Variants in TDRD9 observed in about 807,000 individuals in gnomAD.
TDRD9 encodes the protein ATP-dependent RNA helicase TDRD9.
In TDRD9, 124 loss-of-function variants were observed where a neutral mutation model predicts 172.6. The ratio of observed to expected loss-of-function variants is 0.72; its 90% CI spans 0.62 to 0.83. TDRD9 has a LOEUF of 0.83. Ranked by LOEUF, TDRD9 falls within the 40% of genes least tolerant of loss-of-function variation. TDRD9 has a pLI of 0.00. For synonymous variants in TDRD9, 619 were observed against 617.1 expected, an observed-to-expected ratio of 1.00 and a Z score of -0.05; for missense variants, 1,479 against 1,714.1, an observed-to-expected ratio of 0.86 and a Z score of 2.42.
intron 28 of TDRD9, among the ~76,000 whole-genome samples, chr14:104,029,359 T>G (rs2035214938): frequency 6.6e-6 from 1 of 152,200 alleles, no homozygotes; most frequent in Admixed American, 6.5e-5. Flanking sequence ...TTGCTTTAAT[T>G]GATATTTTGT....
intron 33 of TDRD9, 118 bp downstream of exon 33, chr14:104,040,452 G>A: frequency 8.8e-7 from 1 of 1,141,406 alleles, no homozygotes; most frequent in African/African-American, 1.6e-5. Flanking sequence ...CTCTGGTCCT[G>A]GAGATGTGCA....
intron 27 of TDRD9, 96 bp downstream of exon 27, chr14:104,026,232 G>A: frequency 1.2e-6 from 1 of 849,296 alleles, no homozygotes; most frequent in Non-Finnish European, 1.9e-6. Context: ...TCGGCTTACA[G>A]CTAGGGGAGC....
At chr14:104,000,566 T>A (rs1036222867) in intron 13 of TDRD9, among the ~76,000 whole-genome samples, 16 of 151,942 alleles carry the variant, frequency 1.1e-4, no homozygotes, top group African/African-American at 3.9e-4. Context: ...TGGTGGATCA[T>A]TTGAGGTCAG....
intron 3 of TDRD9, among the ~76,000 whole-genome samples, chr14:103,964,510 TTTG>T (rs1381281192): frequency 3.9e-5 from 6 of 152,026 alleles, no homozygotes; most frequent in Admixed American, 1.3e-4. Flanking sequence ...TACTATTTTT[TTTG>T]TTGTTGTTTT....
intron 7 of TDRD9, among the ~76,000 whole-genome samples, chr14:103,982,056 C>A (rs545236327): frequency 1.3e-5 from 2 of 152,210 alleles, no homozygotes; most frequent in Non-Finnish European, 1.5e-5. Context: ...TCTGCTGTTA[C>A]AAGGGAGAAG....
chr14:103,981,425 G>C (rs973558884), intron 7 of TDRD9, among the ~76,000 whole-genome samples: 2 of 152,188 alleles, frequency 1.3e-5, no homozygotes, highest in African/African-American at 4.8e-5. Flanking sequence ...AGGCACCCAG[G>C]GCCCCCTTGC....
intron 8 of TDRD9, among the ~76,000 whole-genome samples, chr14:103,987,183 AG>A (rs1422036890): frequency 6.6e-6 from 1 of 151,800 alleles, no homozygotes; most frequent in African/African-American, 2.4e-5. Flanking sequence ...GAGCCTTTAC[AG>A]CACTAATTTT....
Position 104,006,778 on chromosome 14 carries a change from A to C in TDRD9, c.1944-4A>C, listed in dbSNP as rs774752817. On this transcript the variant is annotated splice_region_variant and splice_polypyrimidine_tract_variant and intron_variant, in intron 17 of 35. Transcript: ENST00000409874. ...TATTGAATGACACTGTTATCTGTTTATAGGAACAAAGTGAATTTCTCTGGC... is the reference window on the plus strand; with the variant it reads ...TATTGAATGACACTGTTATCTGTTTCTAGGAACAAAGTGAATTTCTCTGGC... The C allele has an allele frequency of 4.3e-6, 7 of 1,613,582 alleles. No individual in the cohort carries two copies. The highest frequency in any genetic ancestry group is 5.9e-6 in the Non-Finnish European group (7 of 1,179,634).
chr14:103,954,628 TATTTG>T (rs1030572483), intron 1 of TDRD9, among the ~76,000 whole-genome samples: 2 of 152,118 alleles, frequency 1.3e-5, no homozygotes, highest in African/African-American at 4.8e-5. Flanking sequence ...TTTTAGTTTT[TATTTG>T]ATTTATTTTT....
intron 1 of TDRD9, among the ~76,000 whole-genome samples, chr14:103,946,669 C>A (rs576080704): frequency 6.6e-6 from 1 of 152,186 alleles, no homozygotes; most frequent in Non-Finnish European, 1.5e-5. Context: ...TCCACAAAAA[C>A]CTGTCAGAAC....
intron 1 of TDRD9, among the ~76,000 whole-genome samples, chr14:103,930,660 G>A (rs2030324057): frequency 6.6e-6 from 1 of 152,116 alleles, no homozygotes; most frequent in Admixed American, 6.5e-5. Flanking sequence ...GACCCCTTGT[G>A]CAACTTTGGA....
chr14:103,955,669 T>G lies in TDRD9; in HGVS notation c.221T>G (p.Leu74Arg). The G allele has an allele frequency of 3.2e-6, 5 of 1,550,350 alleles. No homozygotes were observed. The highest frequency in any genetic ancestry group is 1.7e-4 in the Middle Eastern group (1 of 5,948). Residue 74 changes from leucine to arginine, a missense_variant, in exon 2 of 36, where the codon CTC (leucine) becomes CGC (arginine). This residue lies in a region of TDRD9 where 1,413 missense variants were observed against 1,649.1 expected (regional missense o/e 0.86). Coordinates refer to ENST00000409874, the MANE Select transcript of TDRD9 (RefSeq NM_153046.3). ...ACTTTTACTATTCTTTTCAGGTCAC[T>G]CAGCCAAAGGAGCTCAGAAGTAGAG... ...ARPAAAFERS[L>R]SQRSSEVEYI...
At chr14:103,947,322 TG>T (rs767280462) in intron 1 of TDRD9, among the ~76,000 whole-genome samples, 76 of 152,056 alleles carry the variant, frequency 5.0e-4, no homozygotes, top group Non-Finnish European at 9.4e-4. Context: ...TTGTTTTTTT[TG>T]TTTTTTTGTT....
chr14:103,963,867 A>G (rs2032619277), intron 3 of TDRD9, among the ~76,000 whole-genome samples: 1 of 152,346 alleles, frequency 6.6e-6, no homozygotes, highest in Non-Finnish European at 1.5e-5. Context: ...GACCATATCA[A>G]TTGTTAGAAG....
chr14:103,933,214 C>T (rs2030520250), intron 1 of TDRD9, among the ~76,000 whole-genome samples: 1 of 152,200 alleles, frequency 6.6e-6, no homozygotes, highest in East Asian at 1.9e-4. Context: ...AGAAGAAAAC[C>T]TCAGTGGCTG....
intron 13 of TDRD9, among the ~76,000 whole-genome samples, chr14:104,001,147 C>G (rs1595969637): frequency 6.6e-6 from 1 of 152,164 alleles, no homozygotes; most frequent in Non-Finnish European, 1.5e-5. Flanking sequence ...GTTTGTGTAA[C>G]CACTACTATG....
rs1343962171 is a variant in TDRD9, at chr14:103,938,432, A to ATTTTT, written c.215+9709_215+9710insTTTTT. Reference sequence around the variant, plus strand: ...TGTGTGTGTATATATATATATATATATATATATATTTTTTTTTTTTTTTTG... The same window carrying ATTTTT: ...TGTGTGTGTATATATATATATATATATTTTTTATATATATTTTTTTTTTTTTTTTG... On this transcript the variant is annotated intron_variant, in intron 1 of 35. Transcript: ENST00000409874. Among the ~76,000 whole-genome samples the ATTTTT allele has an allele frequency of 6.2e-3, 231 of 37,100 alleles. 16 individuals are homozygous for ATTTTT. The highest frequency in any genetic ancestry group is 0.014 in the African/African-American group (130 of 9,418). The allele number at this position is 37,100 out of a possible 152,430, so 24.3% of individuals were successfully genotyped here.
chr14:103,971,382 G>A (rs893146278), intron 6 of TDRD9, among the ~76,000 whole-genome samples: 1 of 151,546 alleles, frequency 6.6e-6, no homozygotes. Flanking sequence ...TCAGCTCACT[G>A]CCACCTCCGC....
Position 104,031,997 on chromosome 14 carries a change from C to T in TDRD9, c.3439-20C>T, listed in dbSNP as rs889219180. 4 of 1,526,146 alleles carry T rather than the reference C, an allele frequency of 2.6e-6. No homozygotes were observed. In the African/African-American group the frequency reaches 5.6e-5, roughly 21 times the overall value. 94.5% of individuals were successfully genotyped at this position (1,526,146 alleles called of 1,614,324 possible). A position where few individuals can be genotyped will look rare whatever the true frequency, so the allele number is the denominator to read the frequency against. On this transcript the variant is annotated intron_variant, in intron 29 of 35. Transcript: ENST00000409874. The stretch of plus-strand genomic sequence containing the variant: ...GTTATCTTGCTTATTGGTAACACTT[C>T]CTATATTTTGTGCACGCAGGCAGAA...
Sources: allele counts gnomAD v4.1 joint callset (sites outside exome capture counted in the v4.1 genomes callset), GRCh38; gene constraint gnomAD v4.1.1; regional missense constraint gnomAD v4.1.1; transcripts MANE v1.5; gene names NCBI Gene and HGNC (gene_info 2026-07-23, HGNC 2026-07-21).